Variants in TNKS observed in about 807,000 individuals in gnomAD.
The protein encoded by TNKS is poly [ADP-ribose] polymerase tankyrase-1.
In TNKS, 72 loss-of-function variants were observed where a neutral mutation model predicts 135.8. That is an observed-to-expected ratio of 0.53 (90% CI 0.44 to 0.64). The LOEUF is 0.64. Among genes scored for constraint, TNKS ranks in the 30% least tolerant of loss-of-function variants. TNKS has a pLI of 0.00. For missense variants in TNKS, 1,769 were observed against 1,674.0 expected (o/e 1.06, Z -0.99); for synonymous variants, 849 against 649.3 (o/e 1.31, Z -4.68).
intron 3 of TNKS, among the ~76,000 whole-genome samples, chr8:9,616,524 C>T (rs969684354): frequency 2.6e-5 from 4 of 152,040 alleles, no homozygotes; most frequent in Admixed American, 2.6e-4. Flanking sequence ...TAAATTTGCC[C>T]ATGGTCGAAG....
Position 9,777,381 on chromosome 8 carries a change from T to A in TNKS, c.*645T>A, listed in dbSNP as rs1808277810. On this transcript the variant is annotated 3_prime_UTR_variant, in exon 27 of 27. Transcript: ENST00000310430. ...AGCTGCACTTCTCGTTATCATAAATTGAGATGAAAAGGAAAAAACATCAAG... is the reference window on the plus strand; with the variant it reads ...AGCTGCACTTCTCGTTATCATAAATAGAGATGAAAAGGAAAAAACATCAAG... 1 of 152,388 alleles carries A rather than the reference T, an allele frequency of 6.6e-6. No homozygotes were observed. Among genetic ancestry groups the A allele is most frequent in the Admixed American group, 6.5e-5 (1 of 15,282 alleles). 9.4% of individuals were successfully genotyped at this position (152,388 alleles called of 1,614,324 possible).
At chr8:9,649,266 C>G (rs929933290) in intron 3 of TNKS, among the ~76,000 whole-genome samples, 2 of 152,144 alleles carry the variant, frequency 1.3e-5, no homozygotes, top group African/African-American at 2.4e-5. Flanking sequence ...GTCAACCAAT[C>G]AAATATGTAG....
chr8:9,558,876 C>T (rs1398299509), intron 1 of TNKS: 2 of 152,108 alleles, frequency 1.3e-5, no homozygotes, highest in African/African-American at 4.8e-5. Flanking sequence ...GAATTCGTAA[C>T]ATTAAAGTTT....
intron 2 of TNKS, among the ~76,000 whole-genome samples, chr8:9,587,783 T>C (rs563797811): frequency 1.3e-5 from 2 of 152,334 alleles, no homozygotes; most frequent in East Asian, 3.9e-4. Flanking sequence ...GTTGTTGTTA[T>C]TGTTTTAAAC....
chr8:9,771,165 G>T (rs780542154), intron 26 of TNKS, among the ~76,000 whole-genome samples: 2 of 147,758 alleles, frequency 1.4e-5, no homozygotes, highest in African/African-American at 2.5e-5. Flanking sequence ...AGACAGGAAG[G>T]AAAGGAGGGA....
intron 18 of TNKS, among the ~76,000 whole-genome samples, chr8:9,748,532 A>T (rs1374948717): frequency 6.6e-6 from 1 of 152,156 alleles, no homozygotes; most frequent in Non-Finnish European, 1.5e-5. Flanking sequence ...TTGGCATGTT[A>T]TTGTAGAGCA....
At chr8:9,692,953 A>T (rs1585335543) in intron 5 of TNKS, among the ~76,000 whole-genome samples, 1 of 152,212 alleles carries the variant, frequency 6.6e-6, no homozygotes, top group East Asian at 1.9e-4. Context: ...TCTCATCTAA[A>T]TATCACTCTC....
intron 2 of TNKS, among the ~76,000 whole-genome samples, chr8:9,613,499 C>T (rs1308136481): frequency 6.6e-6 from 1 of 152,144 alleles, no homozygotes; most frequent in African/African-American, 2.4e-5. Flanking sequence ...ATTTTTAATT[C>T]ATATGTGATG....
At chr8:9,653,497 G>T (rs552100492) in intron 3 of TNKS, among the ~76,000 whole-genome samples, 1 of 151,934 alleles carries the variant, frequency 6.6e-6, no homozygotes, top group East Asian at 2.0e-4. Context: ...GCCTCGTACT[G>T]GGTCTTAACC....
chr8:9,694,341 TC>T (rs1803415890), intron 5 of TNKS, among the ~76,000 whole-genome samples: 1 of 152,220 alleles, frequency 6.6e-6, no homozygotes, highest in African/African-American at 2.4e-5. Flanking sequence ...AGGAATGTTC[TC>T]TTTTCTCAGT....
Position 9,765,809 on chromosome 8 carries a change from G to C in TNKS, c.3553+12G>C, listed in dbSNP as rs746385169. 10 of 1,610,768 alleles carry C rather than the reference G, an allele frequency of 6.2e-6. No homozygotes were observed. The South Asian group carries it at 9.9e-5, about 16-fold the overall frequency. ...CATGTTGTTTCATGGTAAGCAGCGT[G>C]GCAGGGACGGTGGACGTCTCCCTGG... is the stretch of plus-strand genomic sequence containing the variant. On this transcript the variant is annotated intron_variant, in intron 24 of 26. Coordinates refer to ENST00000310430, the MANE Select transcript of TNKS (RefSeq NM_003747.3).
intron 2 of TNKS, among the ~76,000 whole-genome samples, chr8:9,598,607 G>C (rs1798881013): frequency 6.6e-6 from 1 of 150,642 alleles, no homozygotes. Flanking sequence ...GAGGTGGGAG[G>C]ATCAACTGAG....
At chr8:9,639,964 G>A (rs896428277) in intron 3 of TNKS, among the ~76,000 whole-genome samples, 2 of 152,148 alleles carry the variant, frequency 1.3e-5, no homozygotes, top group Non-Finnish European at 2.9e-5. Flanking sequence ...CTTACTCAAC[G>A]AAGGATAATT....
intron 3 of TNKS, 114 bp downstream of exon 3, chr8:9,615,791 C>G (rs1265705758): frequency 1.3e-5 from 9 of 704,128 alleles, no homozygotes; most frequent in Non-Finnish European, 2.1e-5. Flanking sequence ...GCAAATATAT[C>G]TGCCATTATC....
chr8:9,624,468 A>G (rs1261249330), intron 3 of TNKS, among the ~76,000 whole-genome samples: 1 of 152,214 alleles, frequency 6.6e-6, no homozygotes, highest in Non-Finnish European at 1.5e-5. Flanking sequence ...TGTTAGAAGT[A>G]ATAAAAAGAA....
Position 9,781,082 on chromosome 8 carries a change from C to G in TNKS, c.*4346C>G, listed in dbSNP as rs533575118. 1.3e-5 allele frequency: 2 copies of G among 152,264 alleles called. No homozygotes were observed. The highest frequency in any genetic ancestry group is 4.1e-4 in the South Asian group (2 of 4,828). 9.4% of individuals were successfully genotyped at this position (152,264 alleles called of 1,614,324 possible). A position where few individuals can be genotyped will look rare whatever the true frequency, so the allele number is the denominator to read the frequency against. ...TAATGATTTTATATACTTTGCACGA[C>G]CAAATATGGTCGTAGTATGACGAGT... On this transcript the variant is annotated 3_prime_UTR_variant, in exon 27 of 27. Coordinates refer to ENST00000310430, the MANE Select transcript of TNKS (RefSeq NM_003747.3).
Position 9,742,605 on chromosome 8 carries a change from C to G in TNKS, c.2644-5419C>G, listed in dbSNP as rs192363107. On this transcript the variant is annotated intron_variant, in intron 17 of 26. Coordinates refer to ENST00000310430, the MANE Select transcript of TNKS (RefSeq NM_003747.3). Reference sequence around the variant, plus strand: ...AGGCATGGTGGCTCACTTCTGCAATCTCAGCACGTTGGGAGGCTGAGACAG... The same window carrying G: ...AGGCATGGTGGCTCACTTCTGCAATGTCAGCACGTTGGGAGGCTGAGACAG... 9.0e-4 allele frequency among the ~76,000 whole-genome samples: 137 copies of G among 151,734 alleles called. 1 individual carries two copies. Among genetic ancestry groups the G allele is most frequent in the South Asian group, 1.7e-3 (8 of 4,806 alleles).
rs1182656857 is a variant in TNKS, at chr8:9,748,171, A to G, written c.2791A>G (p.Met931Val). Residue 931 changes from methionine to valine, a missense_variant, in exon 18 of 27, where the codon ATG (methionine) becomes GTG (valine). Transcript: ENST00000310430. ...LLLAHGADPTMKNQEGQTPLD... is the reference protein window; with the variant it reads ...LLLAHGADPTVKNQEGQTPLD... ...CCTAGCGCATGGTGCAGACCCCACC[A>G]TGAAGAACCAGGAAGGCCAGACGCC... The G allele has an allele frequency of 1.3e-6, 2 of 1,595,356 alleles. No homozygotes were observed. Among genetic ancestry groups the G allele is most frequent in the Non-Finnish European group, 8.5e-7 (1 of 1,171,080 alleles).
intron 25 of TNKS, among the ~76,000 whole-genome samples, chr8:9,768,497 C>T (rs1184450946): frequency 1.3e-5 from 2 of 152,246 alleles, no homozygotes; most frequent in Non-Finnish European, 2.9e-5. Context: ...ACCATTTAGG[C>T]TGCTGCGTCT....
Sources: gnomAD v4.1 joint callset for allele counts (sites outside exome capture counted in the v4.1 genomes callset) on GRCh38, gnomAD v4.1.1 for gene constraint, MANE v1.5 for transcripts, NCBI Gene and HGNC (gene_info 2026-07-23, HGNC 2026-07-21) for gene names.